Variants in DDX10 observed in about 807,000 individuals in gnomAD.
DDX10 encodes the protein DEAD-box helicase 10.
DDX10 carries 74 observed loss-of-function variants against 104.3 expected under a neutral mutation model. That is an observed-to-expected ratio of 0.71 (90% CI 0.59 to 0.86). DDX10 has a LOEUF of 0.86. Ranked by LOEUF, DDX10 falls within the 40% of genes least tolerant of loss-of-function variation. The probability of loss-of-function intolerance (pLI) is 0.00; values close to 1 mark genes in which losing one functional copy is unlikely to be tolerated. For synonymous variants in DDX10, 351 were observed against 353.4 expected, an observed-to-expected ratio of 0.99 and a Z score of 0.08; for missense variants, 952 against 1,040.0, an observed-to-expected ratio of 0.92 and a Z score of 1.16.
At chr11:108,835,473 G>A (rs144655823) in intron 13 of DDX10, among the ~76,000 whole-genome samples, 176 of 152,306 alleles carry the variant, frequency 1.2e-3, no homozygotes, top group African/African-American at 4.1e-3. Flanking sequence ...TTATATTACC[G>A]GAAGGAGGGC....
chr11:108,938,239 A>G (rs1381714771), intron 17 of DDX10, among the ~76,000 whole-genome samples: 1 of 152,214 alleles, frequency 6.6e-6, no homozygotes, highest in African/African-American at 2.4e-5. Context: ...CTTATTTGCT[A>G]TAGAAAGTAG....
intron 13 of DDX10, among the ~76,000 whole-genome samples, chr11:108,778,061 A>G (rs1325994275): frequency 1.3e-4 from 20 of 152,232 alleles, no homozygotes; most frequent in Admixed American, 1.3e-3. Context: ...AAACACATGG[A>G]AGAACATTGC....
rs562310101 is a variant in DDX10 at position 108,697,734 on chromosome 11, G to A, written c.1223+4134G>A. ...GTGATACATTCTGTCACTTTAAAAA[G>A]CAATTCTCTTTAGGGCTTATAGTTC... On this transcript the variant is annotated intron_variant, in intron 9 of 17. Transcript: ENST00000322536. Among the ~76,000 whole-genome samples, 4 of 152,180 alleles carry A rather than the reference G, an allele frequency of 2.6e-5. No individual in the cohort carries two copies. The South Asian group carries it at 8.3e-4, about 32-fold the overall frequency.
chr11:108,719,108 T>TG (rs2094295197), intron 11 of DDX10, among the ~76,000 whole-genome samples: 1 of 150,826 alleles, frequency 6.6e-6, no homozygotes, highest in Non-Finnish European at 1.5e-5. Flanking sequence ...AAGATAGTTT[T>TG]TTTTTTTTTT....
intron 17 of DDX10, among the ~76,000 whole-genome samples, chr11:108,929,059 T>G (rs966678761): frequency 9.2e-5 from 14 of 152,062 alleles, no homozygotes; most frequent in Admixed American, 8.5e-4. Flanking sequence ...CAAATTGGAG[T>G]GTAGGAATGC....
rs540203933 is a variant in DDX10 at position 108,754,514 on chromosome 11, G to A, written c.1965+31052G>A. 3.3e-5 allele frequency among the ~76,000 whole-genome samples: 5 copies of A among 151,992 alleles called. No individual in the cohort carries two copies. The South Asian group carries it at 1.0e-3, about 32-fold the overall frequency. ...TTTTTCTGTGTATACTTGATTTTAT[G>A]TATACTCACATTCATTTATTATAAA... On this transcript the variant is annotated intron_variant, in intron 13 of 17. Transcript: ENST00000322536.
chr11:108,860,934 A>T (rs929415626), intron 16 of DDX10: 9 of 152,126 alleles, frequency 5.9e-5, no homozygotes, highest in Admixed American at 5.9e-4. Context: ...AATAACAGAG[A>T]TGGAACACAG....
chr11:108,710,641 G>A lies in DDX10; in HGVS notation c.1322+3804G>A, dbSNP rs891389783. Among the ~76,000 whole-genome samples, 4 of 152,074 alleles carry A rather than the reference G, an allele frequency of 2.6e-5. No homozygotes were observed. The East Asian group carries it at 7.7e-4, about 29-fold the overall frequency. On this transcript the variant is annotated intron_variant, in intron 10 of 17. Coordinates refer to ENST00000322536, the MANE Select transcript of DDX10 (RefSeq NM_004398.4). The stretch of plus-strand genomic sequence containing the variant: ...GACCTGCCTGAGGGTGTTTTTATAA[G>A]TAGAAGGAAAATACTGTAAAATAAA...
intron 7 of DDX10, 88 bp from the exon 8 acceptor site, chr11:108,691,788 T>C (rs2094252875): frequency 8.2e-7 from 1 of 1,215,286 alleles, no homozygotes; most frequent in Non-Finnish European, 1.1e-6. Context: ...TGCTCTGCTG[T>C]TGAGACTCTG....
chr11:108,694,818 T>G (rs1184361182), intron 9 of DDX10, among the ~76,000 whole-genome samples: 1 of 151,770 alleles, frequency 6.6e-6, no homozygotes, highest in Non-Finnish European at 1.5e-5. Context: ...GAGGCGGAGG[T>G]TGCAGTGAGC....
chr11:108,744,488 C>T (rs1046147086), intron 13 of DDX10, among the ~76,000 whole-genome samples: 1 of 152,146 alleles, frequency 6.6e-6, no homozygotes, highest in African/African-American at 2.4e-5. Context: ...GTACAGACCC[C>T]AAAGTCTACT....
intron 16 of DDX10, among the ~76,000 whole-genome samples, chr11:108,892,943 C>G (rs1318554176): frequency 6.6e-6 from 1 of 152,170 alleles, no homozygotes; most frequent in African/African-American, 2.4e-5. Context: ...GCCTCTCCAT[C>G]TTTCCCTTTG....
chr11:108,918,201 C>T (rs1863777858), intron 17 of DDX10, 183 bp downstream of exon 17: 1 of 637,108 alleles, frequency 1.6e-6, no homozygotes, highest in Non-Finnish European at 2.7e-6. Flanking sequence ...GCAGATTGTT[C>T]TGGTCATGTT....
At chr11:108,765,452 A>C (rs2094355347) in intron 13 of DDX10, among the ~76,000 whole-genome samples, 1 of 152,232 alleles carries the variant, frequency 6.6e-6, no homozygotes, top group East Asian at 1.9e-4. Flanking sequence ...AGATGACAAG[A>C]GACTATTAGT....
At chr11:108,781,746 G>GT (rs2094378346) in intron 13 of DDX10, among the ~76,000 whole-genome samples, 1 of 151,440 alleles carries the variant, frequency 6.6e-6, no homozygotes, top group Non-Finnish European at 1.5e-5. Context: ...CACCCCCATT[G>GT]TTTGTTTCCT....
intron 15 of DDX10, among the ~76,000 whole-genome samples, chr11:108,845,328 TTTAA>T (rs1452981658): frequency 2.6e-5 from 4 of 152,362 alleles, no homozygotes; most frequent in Admixed American, 6.5e-5. Flanking sequence ...ATTACTTTGC[TTTAA>T]TTAATTGCTT....
rs146012580 is a variant in DDX10 at position 108,671,921 on chromosome 11, C to T, written c.187-1546C>T. ...AAAAATACAGAAAAAATTAGCTGGG[C>T]GTGGTGGTGGGCGCCTGTAGCCCCA... is the stretch of plus-strand genomic sequence containing the variant. On this transcript the variant is annotated intron_variant, in intron 1 of 17. Transcript: ENST00000322536. 1.6e-3 allele frequency among the ~76,000 whole-genome samples: 249 copies of T among 151,864 alleles called. 3 individuals are homozygous for T. The East Asian group carries it at 0.044, about 27-fold the overall frequency.
intron 13 of DDX10, among the ~76,000 whole-genome samples, chr11:108,836,263 T>C (rs182000788): frequency 2.6e-5 from 4 of 152,342 alleles, no homozygotes; most frequent in Admixed American, 2.0e-4. Flanking sequence ...AACTAGATAC[T>C]ATAGCTTTCA....
intron 13 of DDX10, among the ~76,000 whole-genome samples, chr11:108,766,113 A>G (rs2094356040): frequency 6.6e-6 from 1 of 152,122 alleles, no homozygotes; most frequent in Non-Finnish European, 1.5e-5. Context: ...AGTTCTGATT[A>G]TATTTTCCTT....
Sources: gnomAD v4.1 joint callset for allele counts (sites outside exome capture counted in the v4.1 genomes callset) on GRCh38, gnomAD v4.1.1 for gene constraint, MANE v1.5 for transcripts, NCBI Gene and HGNC (gene_info 2026-07-23, HGNC 2026-07-21) for gene names.